Variants in ASTN2 observed in about 807,000 individuals in gnomAD.
ASTN2 encodes astrotactin 2, also known as astrotactin-2.
In ASTN2, 54 loss-of-function variants were observed where a neutral mutation model predicts 139.8. That is an observed-to-expected ratio of 0.39 (90% confidence interval 0.31 to 0.48). ASTN2 has a LOEUF of 0.48. Among genes scored for constraint, ASTN2 ranks in the 20% least tolerant of loss-of-function variants. ASTN2 has a pLI of 0.95. For synonymous variants in ASTN2, 756 were observed against 719.5 expected, an observed-to-expected ratio of 1.05 and a Z score of -0.81; for missense variants, 1,565 against 1,725.1, an observed-to-expected ratio of 0.91 and a Z score of 1.64.
At chr9:116,627,751 T>C (rs2131849675) in intron 17 of ASTN2, among the ~76,000 whole-genome samples, 1 of 152,304 alleles carries the variant, frequency 6.6e-6, no homozygotes, top group East Asian at 1.9e-4. Flanking sequence ...ACTACAACCA[T>C]AAGCAATGTT....
At chr9:117,398,741 A>G (rs1459950039) in intron 1 of ASTN2, among the ~76,000 whole-genome samples, 1 of 152,078 alleles carries the variant, frequency 6.6e-6, no homozygotes, top group Non-Finnish European at 1.5e-5. Flanking sequence ...CCTTTACAAT[A>G]TCTCCGAATT....
chr9:116,534,273 T>TA (rs1302598126), intron 19 of ASTN2, among the ~76,000 whole-genome samples: 5 of 152,202 alleles, frequency 3.3e-5, no homozygotes, highest in African/African-American at 1.2e-4. Flanking sequence ...TGAGTCTTGC[T>TA]AGTGGTCTAT....
chr9:117,220,090 G>A (rs1832465006), intron 2 of ASTN2, among the ~76,000 whole-genome samples: 4 of 152,190 alleles, frequency 2.6e-5, no homozygotes, highest in Admixed American at 2.6e-4. Flanking sequence ...TCAAAGGTCT[G>A]GATAAAGGAT....
chr9:116,993,874 A>ATTT (rs200536593), intron 7 of ASTN2, among the ~76,000 whole-genome samples: 4 of 134,356 alleles, frequency 3.0e-5, no homozygotes, highest in African/African-American at 1.1e-4. Context: ...ATATATATAT[A>ATTT]TATTTTAACT....
In ASTN2 at chr9:116,698,367, T is replaced by C. The variant is rs370534929; in HGVS notation, c.2806+27404A>G. ...TCGCTCTCGGAAGTTCTTCACAGGC[T>C]CTTTGGCTGAAGTTGAGAAGTCCAA... On this transcript the variant is annotated intron_variant, in intron 16 of 22. Transcript: ENST00000313400. This position sits in a 1 kb window ranked among gnomAD's most constrained non-coding sequence, Gnocchi z 4.4. 1.2e-6 allele frequency: 2 copies of C among 1,613,992 alleles called. No individual in the cohort carries two copies. The highest frequency in any genetic ancestry group is 2.7e-5 in the African/African-American group (2 of 74,918).
chr9:116,720,848 T>G (rs1828452881), intron 16 of ASTN2, among the ~76,000 whole-genome samples: 1 of 152,194 alleles, frequency 6.6e-6, no homozygotes, highest in African/African-American at 2.4e-5. Flanking sequence ...TCCACAGCTC[T>G]TTCCCTTCAC....
chr9:116,731,412 GTGTTT>G (rs768145981), intron 14 of ASTN2, among the ~76,000 whole-genome samples: 29 of 151,476 alleles, frequency 1.9e-4, no homozygotes, highest in African/African-American at 3.4e-4. Flanking sequence ...TTTTGTTATT[GTGTTT>G]TGTTTTGTTT....
intron 19 of ASTN2, among the ~76,000 whole-genome samples, chr9:116,515,256 G>T (rs1850595454): frequency 6.6e-6 from 1 of 152,144 alleles, no homozygotes; most frequent in African/African-American, 2.4e-5. Context: ...TTGTTCAGGG[G>T]TTTACCCCTT....
intron 12 of ASTN2, among the ~76,000 whole-genome samples, chr9:116,817,019 G>A (rs540527544): frequency 6.8e-4 from 103 of 152,114 alleles, no homozygotes; most frequent in Admixed American, 1.0e-3. Context: ...TATTGGCCAG[G>A]CACGGTAGCT....
chr9:116,527,532 C>A (rs1156903971), intron 19 of ASTN2, among the ~76,000 whole-genome samples: 1 of 152,092 alleles, frequency 6.6e-6, no homozygotes, highest in Non-Finnish European at 1.5e-5. Context: ...TAAATGTTGG[C>A]AAAGGTGTGG....
chr9:116,853,882 G>A (rs545540480), intron 11 of ASTN2, among the ~76,000 whole-genome samples: 34 of 152,284 alleles, frequency 2.2e-4, no homozygotes, highest in African/African-American at 6.0e-4. Flanking sequence ...TCTGCCCAAA[G>A]GTGCTCAGAG....
chr9:117,103,184 C>A (rs1829024039), intron 4 of ASTN2, among the ~76,000 whole-genome samples: 1 of 152,136 alleles, frequency 6.6e-6, no homozygotes, highest in Admixed American at 6.5e-5. Context: ...CAAACACTGT[C>A]TAGGTACTGA....
At chr9:117,111,632 T>C (rs1248510225) in intron 4 of ASTN2, among the ~76,000 whole-genome samples, 2 of 151,776 alleles carry the variant, frequency 1.3e-5, no homozygotes, top group Non-Finnish European at 2.9e-5. Flanking sequence ...ATAATAAAAA[T>C]AAAGAAATAA....
chr9:116,434,206 G>A (rs138763744), intron 22 of ASTN2, among the ~76,000 whole-genome samples: 1 of 152,214 alleles, frequency 6.6e-6, no homozygotes, highest in East Asian at 1.9e-4. Flanking sequence ...AATGTTTAAT[G>A]TACACATCCA....
At chr9:116,803,481 AATATATAT>A (rs1168011369) in intron 13 of ASTN2, among the ~76,000 whole-genome samples, 1,056 of 79,506 alleles carry the variant, frequency 0.013, 9 homozygotes, top group Non-Finnish European at 0.019. Context: ...AAGTTCGAAT[AATATATAT>A]ATATATATAT....
intron 7 of ASTN2, among the ~76,000 whole-genome samples, chr9:117,006,423 T>G (rs961171940): frequency 6.6e-6 from 1 of 152,190 alleles, no homozygotes; most frequent in Non-Finnish European, 1.5e-5. Context: ...TCCACTCTAT[T>G]TCTTGCATTC....
chr9:116,693,791 T>A (rs2132058176), intron 16 of ASTN2, among the ~76,000 whole-genome samples: 1 of 152,364 alleles, frequency 6.6e-6, no homozygotes, highest in South Asian at 2.1e-4. Flanking sequence ...CAATTCCTTT[T>A]ATTTGTGTAG....
At position 116,829,148 on chromosome 9, in the gene ASTN2, A is replaced by C. The variant is rs142106837; in HGVS notation, c.2041-8365T>G. 5.7e-3 allele frequency among the ~76,000 whole-genome samples: 868 copies of C among 152,128 alleles called. 2 individuals are homozygous for C. The highest frequency in any genetic ancestry group is 0.01 in the South Asian group (50 of 4,808). On this transcript the variant is annotated intron_variant, in intron 11 of 22. Coordinates refer to ENST00000313400, the MANE Select transcript of ASTN2 (RefSeq NM_001365068.1). ...TACCAACATCATTTTTCAAAGCATTAGAAAAAAAATCCTAAAATTCATCTG... is the reference window on the plus strand; with the variant it reads ...TACCAACATCATTTTTCAAAGCATTCGAAAAAAAATCCTAAAATTCATCTG...
Position 116,811,256 on chromosome 9 carries a change from T to A in ASTN2, c.2208-5436A>T, listed in dbSNP as rs184574065. 4.3e-4 allele frequency among the ~76,000 whole-genome samples: 65 copies of A among 152,352 alleles called. 1 individual carries two copies. The highest frequency in any genetic ancestry group is 9.8e-4 in the Admixed American group (15 of 15,306). ...ATGCCTCATTTGTTTATTTTCAATCTTTCTTGCTTCTTAATAAATGTCTTG... is the reference window on the plus strand; with the variant it reads ...ATGCCTCATTTGTTTATTTTCAATCATTCTTGCTTCTTAATAAATGTCTTG... On this transcript the variant is annotated intron_variant, in intron 12 of 22. Coordinates refer to ENST00000313400, the MANE Select transcript of ASTN2 (RefSeq NM_001365068.1).
Sources: gnomAD v4.1 joint callset for allele counts (sites outside exome capture counted in the v4.1 genomes callset) on GRCh38, gnomAD v4.1.1 for gene constraint, Gnocchi (gnomAD v3.1) non-coding constraint, MANE v1.5 for transcripts, NCBI Gene and HGNC (gene_info 2026-07-23, HGNC 2026-07-21) for gene names.